The following LRP8 variants were observed in gnomAD, a reference collection of about 807,000 sequenced individuals.
LRP8 encodes LDL receptor related protein 8, also known as low-density lipoprotein receptor-related protein 8.
LRP8 carries 46 observed loss-of-function variants against 111.6 expected under a neutral mutation model. The observed-to-expected ratio is 0.41, with a 90% CI of 0.33 to 0.53. LRP8 has a LOEUF of 0.53. Ranked by LOEUF, LRP8 falls within the 20% of genes least tolerant of loss-of-function variation. The pLI, the probability that LRP8 is intolerant of heterozygous loss-of-function variation, is 0.20. For synonymous variants in LRP8, 464 were observed against 511.2 expected, an observed-to-expected ratio of 0.91 and a Z score of 1.24; for missense variants, 959 against 1,297.4, an observed-to-expected ratio of 0.74 and a Z score of 4.01.
chr1:53,270,692 T>C (rs1156847478), intron 8 of LRP8, among the ~76,000 whole-genome samples: 1 of 152,202 alleles, frequency 6.6e-6, no homozygotes, highest in Non-Finnish European at 1.5e-5. Context: ...TTCATTCTCT[T>C]TTAGCAGGCT....
At chr1:53,288,920 G>A (rs1485592590) in intron 3 of LRP8, among the ~76,000 whole-genome samples, 1 of 152,214 alleles carries the variant, frequency 6.6e-6, no homozygotes, top group Non-Finnish European at 1.5e-5. Flanking sequence ...AGCCCTGAGT[G>A]TAGGGGGCAG....
At position 53,255,149 on chromosome 1, in the gene LRP8, G is replaced by A; in HGVS notation, c.2471C>T (p.Thr824Ile). The A allele has an allele frequency of 7.4e-6, 12 of 1,613,828 alleles. No homozygotes were observed. In the Middle Eastern group the frequency reaches 6.6e-4, roughly 89 times the overall value. ...NEDSKMGSTV[T>I]AAVIGIIVPI... Reference sequence around the variant, plus strand: ...CACGATGATCCCGATAACAGCGGCAGTGACTGTTGAGCCCATCTTACTGTC... The same window carrying A: ...CACGATGATCCCGATAACAGCGGCAATGACTGTTGAGCCCATCTTACTGTC... Residue 824 changes from threonine to isoleucine, a missense_variant, in exon 16 of 19, where the codon ACT becomes ATT. By Grantham distance (89) the Thr-to-Ile change is moderately conservative. Transcript: ENST00000306052.
intron 2 of LRP8, among the ~76,000 whole-genome samples, chr1:53,300,824 G>A (rs1325895335): frequency 6.6e-6 from 1 of 152,186 alleles, no homozygotes; most frequent in Admixed American, 6.5e-5. Flanking sequence ...TCAGTAGTTT[G>A]GGCCTCGGGA....
intron 2 of LRP8, among the ~76,000 whole-genome samples, chr1:53,313,832 C>T (rs572169210): frequency 6.6e-6 from 1 of 152,308 alleles, no homozygotes; most frequent in East Asian, 1.9e-4. Context: ...GGCGTCACTG[C>T]AGAAGCTGAG....
intron 2 of LRP8, among the ~76,000 whole-genome samples, chr1:53,296,039 G>A (rs1557826470): frequency 6.6e-6 from 1 of 152,188 alleles, no homozygotes; most frequent in Non-Finnish European, 1.5e-5. Flanking sequence ...GGAGCCCAGA[G>A]TGAAGCTGCA....
chr1:53,297,195 G>A (rs1198419613), intron 2 of LRP8, among the ~76,000 whole-genome samples: 16 of 152,164 alleles, frequency 1.1e-4, no homozygotes, highest in Admixed American at 7.9e-4. Flanking sequence ...AGGGACCTAC[G>A]GTTCTAAGGC....
intron 3 of LRP8, among the ~76,000 whole-genome samples, chr1:53,287,051 A>AACTC (rs1338832998): frequency 6.6e-6 from 1 of 152,210 alleles, no homozygotes; most frequent in Non-Finnish European, 1.5e-5. Context: ...TCCAATCCCA[A>AACTC]ACTCACTACA....
At chr1:53,302,710 T>C (rs931733991) in intron 2 of LRP8, among the ~76,000 whole-genome samples, 2 of 151,750 alleles carry the variant, frequency 1.3e-5, no homozygotes, top group African/African-American at 4.8e-5. Flanking sequence ...TTTTTTTTTT[T>C]TGGAGACAGG....
chr1:53,325,347 A>C (rs1655002078), intron 2 of LRP8, among the ~76,000 whole-genome samples: 1 of 152,216 alleles, frequency 6.6e-6, no homozygotes, highest in African/African-American at 2.4e-5. Context: ...TTTAATCTCT[A>C]AAATAGGACT....
chr1:53,258,671 T>C (rs1646205780), intron 13 of LRP8, among the ~76,000 whole-genome samples, 200 bp from the exon 14 acceptor site: 1 of 152,196 alleles, frequency 6.6e-6, no homozygotes, highest in African/African-American at 2.4e-5. Flanking sequence ...GGATGAATTA[T>C]ATAGTGGTGA....
At chr1:53,248,691 A>G (rs1645801354) in intron 18 of LRP8, among the ~76,000 whole-genome samples, 2 of 152,258 alleles carry the variant, frequency 1.3e-5, no homozygotes, top group South Asian at 4.1e-4. Flanking sequence ...GACACACAGT[A>G]GGTGCTCACT....
At chr1:53,270,884 G>A in intron 8 of LRP8, 144 bp downstream of exon 8, 1 of 1,173,528 alleles carries the variant, frequency 8.5e-7, no homozygotes. Context: ...GCTAGACAAG[G>A]GACCGAGGAT....
rs1646569638 is a variant in LRP8, at chr1:53,266,608, T to A, written c.1292A>T (p.Glu431Val). The stretch of plus-strand genomic sequence containing the variant: ...CTTCACCAGGTCGATCCTCCGCACC[T>A]CGTGCCGGTTGGTGAAGATTAGGGA... ...SPSLIFTNRHEVRRIDLVKRN... is the reference protein window; with the variant it reads ...SPSLIFTNRHVVRRIDLVKRN... Residue 431 changes from glutamate (E) to valine (V), a missense_variant, in exon 9 of 19, where the codon GAG (glutamate) becomes GTG (valine). Coordinates refer to ENST00000306052, the MANE Select transcript of LRP8 (RefSeq NM_004631.5). This position sits in a 1 kb window ranked among gnomAD's most constrained non-coding sequence, Gnocchi z 5.0. The A allele has an allele frequency of 3.1e-6, 5 of 1,614,030 alleles. No homozygotes were observed. In the African/African-American group the frequency reaches 6.7e-5, roughly 22 times the overall value.
Position 53,250,600 on chromosome 1 carries a change from GGAT to G in LRP8, c.2676+87_2676+89del, listed in dbSNP as rs1645866268. ...GGAAGGAAGGAAGGGAGGGAAGAAA[GGAT>G]GGGAAGGAAGAAAGGATGGGAGGGG... is the stretch of plus-strand genomic sequence containing the variant. On this transcript the variant is annotated intron_variant, in intron 17 of 18. Coordinates refer to ENST00000306052, the MANE Select transcript of LRP8 (RefSeq NM_004631.5). This position sits in a 1 kb window ranked among gnomAD's most constrained non-coding sequence, Gnocchi z 4.6. 14 of 1,150,736 alleles carry G rather than the reference GGAT, an allele frequency of 1.2e-5. No individual in the cohort carries two copies. The highest frequency in any genetic ancestry group is 1.5e-5 in the African/African-American group (1 of 65,714). The allele number at this position is 1,150,736 out of a possible 1,614,324, so 71.3% of individuals were successfully genotyped here.
At chr1:53,257,607 G>A in intron 14 of LRP8, 143 bp from the exon 15 acceptor site, 1 of 638,722 alleles carries the variant, frequency 1.6e-6, no homozygotes, top group South Asian at 2.0e-5. Flanking sequence ...TCCCCAGTGG[G>A]CTATGATCTT....
intron 2 of LRP8, among the ~76,000 whole-genome samples, chr1:53,323,027 T>C (rs1028913100): frequency 6.6e-6 from 1 of 152,150 alleles, no homozygotes; most frequent in Non-Finnish European, 1.5e-5. Context: ...AGCACAAAAC[T>C]GGTCCACCTG....
Position 53,250,591 on chromosome 1 carries a change from G to T in LRP8, c.2676+99C>A. The T allele has an allele frequency of 2.9e-6, 3 of 1,025,498 alleles. No homozygotes were observed. The highest frequency in any genetic ancestry group is 4.4e-6 in the Non-Finnish European group (3 of 684,006). 63.5% of individuals were successfully genotyped at this position (1,025,498 alleles called of 1,614,324 possible). ...GGGAAGGACGGAAGGAAGGAAGGGA[G>T]GGAAGAAAGGATGGGAAGGAAGAAA... On this transcript the variant is annotated intron_variant, in intron 17 of 18. Coordinates refer to ENST00000306052, the MANE Select transcript of LRP8 (RefSeq NM_004631.5). This position sits in a 1 kb window ranked among gnomAD's most constrained non-coding sequence, Gnocchi z 4.6.
At chr1:53,277,893 G>A (rs180955932) in intron 4 of LRP8, among the ~76,000 whole-genome samples, 97 of 152,330 alleles carry the variant, frequency 6.4e-4, no homozygotes, top group African/African-American at 2.2e-3. Context: ...TGAGGGCCTG[G>A]TACAGAGCTC....
chr1:53,280,535 G>A (rs534120541), intron 4 of LRP8, 52 bp downstream of exon 4: 2 of 1,593,566 alleles, frequency 1.3e-6, no homozygotes, highest in Admixed American at 1.7e-5. Context: ...GCCACTCCCT[G>A]AGGCTGCCTG....
Sources: allele counts gnomAD v4.1 joint callset (sites outside exome capture counted in the v4.1 genomes callset), GRCh38; gene constraint gnomAD v4.1.1; non-coding constraint Gnocchi (gnomAD v3.1); transcripts MANE v1.5; gene names NCBI Gene and HGNC (gene_info 2026-07-23, HGNC 2026-07-21).